LRRC9: variants seen among roughly 807,000 people sequenced by gnomAD.
The protein encoded by LRRC9 is leucine rich repeat containing 9.
Under a neutral mutation model 63.2 loss-of-function variants are expected in LRRC9, and 122 were observed. The ratio of observed to expected loss-of-function variants is 1.93; its 90% confidence interval spans 1.67 to 2.24. The LOEUF is 2.24. Among genes scored for constraint, LRRC9 ranks in the 30% most tolerant of loss-of-function variants. The pLI is 0.00. For synonymous variants in LRRC9, 366 were observed against 213.1 expected (o/e 1.72, Z -6.25); for missense variants, 1,071 against 627.7 (o/e 1.71, Z -7.55).
intron 29 of LRRC9, among the ~76,000 whole-genome samples, chr14:60,045,400 C>A (rs1335177760): frequency 6.6e-6 from 1 of 152,146 alleles, no homozygotes; most frequent in African/African-American, 2.4e-5. Flanking sequence ...CATCTATTAG[C>A]TATTCTTCCT....
chr14:60,007,484 T>A (rs1014755789), intron 22 of LRRC9, among the ~76,000 whole-genome samples: 2 of 152,214 alleles, frequency 1.3e-5, no homozygotes, highest in African/African-American at 2.4e-5. Flanking sequence ...TCCCTTAGGA[T>A]GAATTCCACT....
chr14:59,937,346 C>T (rs1890223717), intron 6 of LRRC9, among the ~76,000 whole-genome samples: 1 of 151,878 alleles, frequency 6.6e-6, no homozygotes, highest in Non-Finnish European at 1.5e-5. Flanking sequence ...GACCAAAGCC[C>T]ATATAGACCC....
At chr14:59,952,642 T>C (rs1459620298) in intron 8 of LRRC9, among the ~76,000 whole-genome samples, 1 of 152,240 alleles carries the variant, frequency 6.6e-6, no homozygotes, top group Non-Finnish European at 1.5e-5. Flanking sequence ...TTATTGTTGT[T>C]GTTGTTGCTT....
chr14:60,038,247 G>A lies in LRRC9; in HGVS notation c.3990+6184G>A, dbSNP rs576084713. Among the ~76,000 whole-genome samples, 1,461 of 152,218 alleles carry A rather than the reference G, an allele frequency of 9.6e-3. 27 individuals carry two copies. Among genetic ancestry groups the A allele is most frequent in the African/African-American group, 0.033 (1,377 of 41,542 alleles). On this transcript the variant is annotated intron_variant, in intron 29 of 31. Transcript: ENST00000445360. ...TGGCTTAGGATTGACTTGGCAATGC[G>A]GGCTCTTTTTTGGTTCCATATGAAC...
At chr14:60,030,966 A>C (rs1217365165) in intron 28 of LRRC9, among the ~76,000 whole-genome samples, 1 of 152,058 alleles carries the variant, frequency 6.6e-6, no homozygotes. Context: ...TCTATTTCCC[A>C]TATTAACATT....
At chr14:59,946,242 G>T (rs1384884751) in intron 8 of LRRC9, among the ~76,000 whole-genome samples, 1 of 150,698 alleles carries the variant, frequency 6.6e-6, no homozygotes, top group African/African-American at 2.4e-5. Context: ...TTTTTAAAGT[G>T]AGCAGTTCTT....
chr14:60,035,875 T>C (rs933424631), intron 29 of LRRC9, among the ~76,000 whole-genome samples: 8 of 152,230 alleles, frequency 5.3e-5, no homozygotes, highest in Non-Finnish European at 8.8e-5. Flanking sequence ...TTTAGGTATA[T>C]TGATAGGGAT....
intron 27 of LRRC9, among the ~76,000 whole-genome samples, chr14:60,026,460 T>C (rs764917584): frequency 6.6e-6 from 1 of 152,042 alleles, no homozygotes; most frequent in Non-Finnish European, 1.5e-5. Flanking sequence ...GCTCCTTATA[T>C]ATTCTGGTTA....
At chr14:59,988,615 T>G (rs917376459) in intron 17 of LRRC9, among the ~76,000 whole-genome samples, 1 of 152,090 alleles carries the variant, frequency 6.6e-6, no homozygotes, top group Non-Finnish European at 1.5e-5. Flanking sequence ...CTGGAAAGAT[T>G]TTCTAAAAAT....
At chr14:59,975,151 G>GTA (rs1212435712) in intron 13 of LRRC9, among the ~76,000 whole-genome samples, 196 of 10,498 alleles carry the variant, frequency 0.019, 23 homozygotes, top group African/African-American at 0.036. Flanking sequence ...ATATATATAT[G>GTA]TATATATATA....
chr14:59,924,973 C>CACACTCCCTTAT (rs1889088784), intron 1 of LRRC9, among the ~76,000 whole-genome samples: 1 of 151,586 alleles, frequency 6.6e-6, no homozygotes. Flanking sequence ...GGCTCACACT[C>CACACTCCCTTAT]ACACTCCCTT....
At position 60,027,072 on chromosome 14, in the gene LRRC9, T is replaced by G. The variant is rs1566888402; in HGVS notation, c.3704-812T>G. Among the ~76,000 whole-genome samples the G allele has an allele frequency of 6.6e-6, 1 of 152,004 alleles. No homozygotes were observed. The highest frequency in any genetic ancestry group is 1.5e-5 in the Non-Finnish European group (1 of 67,970). On this transcript the variant is annotated intron_variant, in intron 27 of 31. Transcript: ENST00000445360. The surrounding 1 kb of genome is among the most constrained non-coding windows in gnomAD (Gnocchi z 4.0). ...CAAGGAGAATGAATATTGACTGAAA[T>G]GTAGTATGGCATACTAGAAAGATAA... is the stretch of plus-strand genomic sequence containing the variant.
chr14:60,044,610 T>G (rs1893251844), intron 29 of LRRC9, among the ~76,000 whole-genome samples: 1 of 152,202 alleles, frequency 6.6e-6, no homozygotes, highest in Non-Finnish European at 1.5e-5. Flanking sequence ...AGGTTCCTCT[T>G]GTTATTGATT....
Position 60,042,498 on chromosome 14 carries a change from A to G in LRRC9, c.3990+10435A>G, listed in dbSNP as rs1227473608. On this transcript the variant is annotated intron_variant, in intron 29 of 31. Coordinates refer to ENST00000445360, the Ensembl canonical transcript of LRRC9. The surrounding 1 kb of genome is among the most constrained non-coding windows in gnomAD (Gnocchi z 4.2). ...CTGCTGCCTTGCAGTTCGATCTCAG[A>G]CTGCTGTGCTGGCAGTGAGTGAGGC... Among the ~76,000 whole-genome samples the G allele has an allele frequency of 1.3e-5, 2 of 152,184 alleles. No homozygotes were observed. The highest frequency in any genetic ancestry group is 6.5e-5 in the Admixed American group (1 of 15,290).
chr14:59,961,951 C>G (rs1250423766), intron 10 of LRRC9, among the ~76,000 whole-genome samples: 1 of 152,102 alleles, frequency 6.6e-6, no homozygotes, highest in Non-Finnish European at 1.5e-5. Flanking sequence ...GCACATAACC[C>G]TGGAGCATGA....
chr14:59,975,126 T>C (rs531777401), intron 13 of LRRC9, among the ~76,000 whole-genome samples: 327 of 11,408 alleles, frequency 0.029, 72 homozygotes, highest in Non-Finnish European at 0.079. Context: ...TATATATATA[T>C]GTATATATAT....
chr14:60,039,670 C>G (rs944457269), intron 29 of LRRC9, among the ~76,000 whole-genome samples: 1 of 152,056 alleles, frequency 6.6e-6, no homozygotes, highest in Non-Finnish European at 1.5e-5. Flanking sequence ...CTTTATTAGT[C>G]TTGCTAGTGG....
chr14:60,012,948 ATTTAT>A (rs1412911291), intron 23 of LRRC9, among the ~76,000 whole-genome samples: 3 of 150,872 alleles, frequency 2.0e-5, no homozygotes, highest in Non-Finnish European at 4.4e-5. Flanking sequence ...TTATTTATTT[ATTTAT>A]TTTTTTAATT....
chr14:60,047,209 C>A (rs748621070), intron 29 of LRRC9, among the ~76,000 whole-genome samples: 16 of 152,236 alleles, frequency 1.1e-4, no homozygotes, highest in South Asian at 8.3e-4. Context: ...TGCAAACAAA[C>A]ATAGTCGGAA....
Sources: allele counts gnomAD v4.1 joint callset (sites outside exome capture counted in the v4.1 genomes callset), GRCh38; gene constraint gnomAD v4.1.1; non-coding constraint Gnocchi (gnomAD v3.1); transcripts MANE v1.5; gene names NCBI Gene and HGNC (gene_info 2026-07-23, HGNC 2026-07-21).